PTCHD4: variants seen among roughly 807,000 people sequenced by gnomAD.
The protein encoded by PTCHD4 is patched domain containing 4, also known as patched domain-containing protein 4.
In PTCHD4, 33 loss-of-function variants were observed where a neutral mutation model predicts 58.1. That is an observed-to-expected ratio of 0.57 (90% CI 0.43 to 0.76). The LOEUF (loss-of-function observed/expected upper bound fraction) is 0.76. Ranked by LOEUF, PTCHD4 falls within the 30% of genes least tolerant of loss-of-function variation. The pLI, the probability that PTCHD4 is intolerant of heterozygous loss-of-function variation, is 0.00. For synonymous variants in PTCHD4, 478 were observed against 409.6 expected, an observed-to-expected ratio of 1.17 and a Z score of -2.02; for missense variants, 1,058 against 1,027.1, an observed-to-expected ratio of 1.03 and a Z score of -0.41.
chr6:48,024,407 C>G (rs1268071983), intron 3 of PTCHD4, among the ~76,000 whole-genome samples: 1 of 152,100 alleles, frequency 6.6e-6, no homozygotes, highest in African/African-American at 2.4e-5. Flanking sequence ...AGAACTTGCT[C>G]TTAGGTCAAC....
At chr6:48,081,500 A>C (rs1283208534) in intron 1 of PTCHD4, among the ~76,000 whole-genome samples, 1 of 152,192 alleles carries the variant, frequency 6.6e-6, no homozygotes, top group Non-Finnish European at 1.5e-5. Flanking sequence ...GGGATAATAA[A>C]AGCTCACACC....
intron 3 of PTCHD4, among the ~76,000 whole-genome samples, chr6:48,027,295 A>G (rs1356046840): frequency 6.6e-6 from 1 of 152,080 alleles, no homozygotes; most frequent in Non-Finnish European, 1.5e-5. Context: ...GTTTTTTTCC[A>G]GTTCATGTGA....
chr6:47,907,770 G>A (rs1757836374), intron 4 of PTCHD4, among the ~76,000 whole-genome samples: 2 of 152,142 alleles, frequency 1.3e-5, no homozygotes, highest in Admixed American at 6.5e-5. Flanking sequence ...CAAAGGTTGA[G>A]CAGGGAGCCT....
chr6:48,107,362 A>G (rs1263495635), intron 1 of PTCHD4, among the ~76,000 whole-genome samples: 2 of 152,234 alleles, frequency 1.3e-5, no homozygotes, highest in Non-Finnish European at 2.9e-5. Context: ...AGGATTCCCT[A>G]TTTAATAAAT....
intron 4 of PTCHD4, among the ~76,000 whole-genome samples, chr6:47,997,683 G>T (rs1195025263): frequency 1.3e-5 from 2 of 152,110 alleles, no homozygotes; most frequent in Non-Finnish European, 2.9e-5. Context: ...TTTTGTCTTG[G>T]TCTGGATTAA....
chr6:48,003,277 CTG>C (rs1264636352), intron 4 of PTCHD4, among the ~76,000 whole-genome samples: 1 of 152,138 alleles, frequency 6.6e-6, no homozygotes, highest in Non-Finnish European at 1.5e-5. Flanking sequence ...GATCTATGTA[CTG>C]TGTTATATTA....
rs1293144509 is a variant in PTCHD4 at position 47,859,689 on chromosome 6, C to T, written c.*18614G>A. On this transcript the variant is annotated 3_prime_UTR_variant, in exon 5 of 5. Transcript: ENST00000339488. ...TTTCAATTTACTGGGGACAGACAGACAATAAACAAATCCCATGACAAATAT... is the reference window on the plus strand; with the variant it reads ...TTTCAATTTACTGGGGACAGACAGATAATAAACAAATCCCATGACAAATAT... Among the ~76,000 whole-genome samples the T allele has an allele frequency of 2.0e-5, 3 of 151,860 alleles. No homozygotes were observed. The highest frequency in any genetic ancestry group is 7.3e-5 in the African/African-American group (3 of 41,348).
intron 4 of PTCHD4, among the ~76,000 whole-genome samples, chr6:47,881,121 A>G (rs1196353655): frequency 6.6e-6 from 1 of 152,212 alleles, no homozygotes; most frequent in Non-Finnish European, 1.5e-5. Context: ...GCTGAAAGGC[A>G]CAAAATCAAC....
chr6:47,898,224 G>A (rs906229836), intron 4 of PTCHD4, among the ~76,000 whole-genome samples: 3 of 152,074 alleles, frequency 2.0e-5, no homozygotes, highest in Non-Finnish European at 4.4e-5. Context: ...GATTACAGGC[G>A]TGAGCCACTG....
intron 4 of PTCHD4, among the ~76,000 whole-genome samples, chr6:47,951,592 T>A (rs1279836128): frequency 1.3e-5 from 2 of 152,176 alleles, no homozygotes; most frequent in Non-Finnish European, 2.9e-5. Flanking sequence ...ACTGAATAAC[T>A]GAAGACAGGC....
intron 4 of PTCHD4, among the ~76,000 whole-genome samples, chr6:47,985,387 T>C (rs1373433682): frequency 6.6e-6 from 1 of 152,118 alleles, no homozygotes; most frequent in African/African-American, 2.4e-5. Context: ...TCTAATATTT[T>C]CAGATGGTAA....
Position 47,868,193 on chromosome 6 carries a change from T to G in PTCHD4, c.*10110A>C, listed in dbSNP as rs1763622009. 6.6e-6 allele frequency among the ~76,000 whole-genome samples: 1 copy of G among 151,692 alleles called. No homozygotes were observed. Among genetic ancestry groups the G allele is most frequent in the Non-Finnish European group, 1.5e-5 (1 of 67,822 alleles). On this transcript the variant is annotated 3_prime_UTR_variant, in exon 5 of 5. Coordinates refer to ENST00000339488, the MANE Select transcript of PTCHD4 (RefSeq NM_001384253.1). ...TTAAAATTTTTTCTCACTTTACCTT[T>G]TTTTTTAAAAAAACACCCTTGTCCT...
At chr6:47,995,597 A>G (rs1768456833) in intron 4 of PTCHD4, among the ~76,000 whole-genome samples, 1 of 152,178 alleles carries the variant, frequency 6.6e-6, no homozygotes. Flanking sequence ...TTTATAAAAC[A>G]ATTTCTTGAC....
At chr6:48,012,993 T>A (rs556695128) in intron 3 of PTCHD4, among the ~76,000 whole-genome samples, 3 of 152,168 alleles carry the variant, frequency 2.0e-5, no homozygotes, top group African/African-American at 4.8e-5. Flanking sequence ...TATTGAGGAT[T>A]TTAGCATTGA....
At chr6:47,917,110 T>C (rs556289583) in intron 4 of PTCHD4, among the ~76,000 whole-genome samples, 114 of 152,170 alleles carry the variant, frequency 7.5e-4, no homozygotes, top group Middle Eastern at 3.4e-3. Context: ...TTTCCAATAA[T>C]ACTACTTTTG....
At position 48,035,566 on chromosome 6, in the gene PTCHD4, A is replaced by G. The variant is rs1763603543; in HGVS notation, c.418-26452T>C. Among the ~76,000 whole-genome samples, 6 of 152,264 alleles carry G rather than the reference A, an allele frequency of 3.9e-5. No homozygotes were observed. The South Asian group carries it at 1.2e-3, about 32-fold the overall frequency. ...AAGATTCTCTCCTTGAAGAAACTCT[A>G]CTCAAGCTCTTCTGAGATCTTTTTT... On this transcript the variant is annotated intron_variant, in intron 3 of 4. Transcript: ENST00000339488.
At chr6:47,902,807 A>G (rs1254278746) in intron 4 of PTCHD4, among the ~76,000 whole-genome samples, 2 of 152,172 alleles carry the variant, frequency 1.3e-5, no homozygotes, top group Non-Finnish European at 2.9e-5. Flanking sequence ...TTGAATATTA[A>G]AAATTTTGAT....
At chr6:48,023,514 A>C (rs2114115840) in intron 3 of PTCHD4, among the ~76,000 whole-genome samples, 1 of 152,320 alleles carries the variant, frequency 6.6e-6, no homozygotes, top group East Asian at 1.9e-4. Context: ...TGCCACCACT[A>C]CATAAGCATG....
chr6:47,999,608 G>C (rs1003724486), intron 4 of PTCHD4, among the ~76,000 whole-genome samples: 2 of 152,128 alleles, frequency 1.3e-5, no homozygotes, highest in Non-Finnish European at 2.9e-5. Context: ...GCTGGTTCAC[G>C]CTTTGGGAAA....
Sources: allele counts gnomAD v4.1 joint callset (sites outside exome capture counted in the v4.1 genomes callset), GRCh38; gene constraint gnomAD v4.1.1; transcripts MANE v1.5; gene names NCBI Gene and HGNC (gene_info 2026-07-23, HGNC 2026-07-21).